GFPT1: variants seen among roughly 807,000 people sequenced by gnomAD.
GFPT1 encodes the protein glutamine--fructose-6-phosphate transaminase 1.
GFPT1 carries 40 observed loss-of-function variants against 92.0 expected under a neutral mutation model. The observed-to-expected ratio is 0.43, with a 90% confidence interval of 0.34 to 0.57. The LOEUF (loss-of-function observed/expected upper bound fraction) is 0.57. Among genes scored for constraint, GFPT1 ranks in the 20% least tolerant of loss-of-function variants. The pLI, the probability that GFPT1 is intolerant of heterozygous loss-of-function variation, is 0.02. For missense variants in GFPT1, 448 were observed against 869.1 expected (o/e 0.52, Z 6.09); for synonymous variants, 269 against 280.6 (o/e 0.96, Z 0.41).
chr2:69,385,304 C>A (rs897995981), intron 1 of GFPT1, among the ~76,000 whole-genome samples: 1 of 152,128 alleles, frequency 6.6e-6, no homozygotes, highest in Non-Finnish European at 1.5e-5. Context: ...CGGCTCACTG[C>A]AACCTCCACC....
intron 11 of GFPT1, among the ~76,000 whole-genome samples, chr2:69,347,573 G>C (rs573386196): frequency 2.2e-4 from 34 of 151,618 alleles, no homozygotes; most frequent in African/African-American, 8.0e-4. Context: ...TGCCTCCCGG[G>C]TTCAAGCCAT....
At position 69,329,442 on chromosome 2, in the gene GFPT1, C is replaced by CA; in HGVS notation, c.1598-19dup. ...AATCAAATCTAAGAAGTAATATTAG[C>CA]AAAAAAGGACAATAAACCAAACAAA... On this transcript the variant is annotated intron_variant, in intron 16 of 19. Transcript: ENST00000357308. 2 of 1,568,106 alleles carry CA rather than the reference C, an allele frequency of 1.3e-6. No homozygotes were observed. Among genetic ancestry groups the CA allele is most frequent in the Non-Finnish European group, 1.8e-6 (2 of 1,140,898 alleles).
intron 1 of GFPT1, among the ~76,000 whole-genome samples, chr2:69,377,026 C>T (rs777583863): frequency 2.9e-4 from 44 of 151,050 alleles, no homozygotes; most frequent in Non-Finnish European, 5.5e-4. Flanking sequence ...CTGGGCAACA[C>T]GCTGAAACTC....
chr2:69,376,948 G>A lies in GFPT1; in HGVS notation c.8-2835C>T, dbSNP rs372459148. Among the ~76,000 whole-genome samples, 3 of 151,972 alleles carry A rather than the reference G, an allele frequency of 2.0e-5. No individual in the cohort carries two copies. In the East Asian group the frequency reaches 5.8e-4, roughly 29 times the overall value. ...AATGCGGCAGGGCTGGGTGGCTCAC[G>A]CCTGTAATCCCAGCAACTTGGAGGC... On this transcript the variant is annotated intron_variant, in intron 1 of 19. Transcript: ENST00000357308.
intron 7 of GFPT1, among the ~76,000 whole-genome samples, chr2:69,355,365 A>G (rs2104649739): frequency 6.6e-6 from 1 of 151,986 alleles, no homozygotes; most frequent in African/African-American, 2.4e-5. Context: ...GGCATGAGTC[A>G]CCACGCCCAG....
rs370310082 is a variant in GFPT1, at chr2:69,386,027, T to TAA, written c.7+1036_7+1037dup. Among the ~76,000 whole-genome samples the TAA allele has an allele frequency of 7.8e-3, 1,094 of 140,322 alleles. 7 individuals carry two copies. The highest frequency in any genetic ancestry group is 0.015 in the South Asian group (67 of 4,356). The allele number at this position is 140,322 out of a possible 152,430, so 92.1% of individuals were successfully genotyped here. A position where few individuals can be genotyped will look rare whatever the true frequency, so the allele number is the denominator to read the frequency against. On this transcript the variant is annotated intron_variant, in intron 1 of 19. Transcript: ENST00000357308. ...ATTCTCTTACAATGGTACTTCCCTT[T>TAA]AAAAAAAAAAAAAAAAAGTGTACTT...
intron 1 of GFPT1, among the ~76,000 whole-genome samples, chr2:69,375,298 A>G (rs982140419): frequency 2.6e-5 from 4 of 152,224 alleles, no homozygotes; most frequent in African/African-American, 9.6e-5. Flanking sequence ...ATTCTGATTC[A>G]TAAGAAGTTT....
At chr2:69,331,019 A>G (rs1430482404) in intron 15 of GFPT1, among the ~76,000 whole-genome samples, 1 of 152,356 alleles carries the variant, frequency 6.6e-6, no homozygotes, top group East Asian at 1.9e-4. Flanking sequence ...GAACTAAAAG[A>G]CAATTAGTTT....
At chr2:69,340,140 CTTTT>C (rs139786418) in intron 13 of GFPT1, among the ~76,000 whole-genome samples, 51,217 of 98,106 alleles carry the variant, frequency 0.52, 10,232 homozygotes, top group African/African-American at 0.63. Flanking sequence ...GTTGGGGCAA[CTTTT>C]TTTTTTTTTT....
At chr2:69,327,122 G>A (rs1301219450) in intron 18 of GFPT1, 47 bp from the exon 19 acceptor site, 7 of 1,581,350 alleles carry the variant, frequency 4.4e-6, no homozygotes, top group South Asian at 1.1e-5. Context: ...GGTGGGCAAA[G>A]GCAGGGCTAT....
chr2:69,384,862 C>G (rs544393612), intron 1 of GFPT1, among the ~76,000 whole-genome samples: 3 of 152,122 alleles, frequency 2.0e-5, no homozygotes, highest in South Asian at 4.1e-4. Context: ...AAGTAAGCTT[C>G]CAGATTTTCC....
At chr2:69,362,658 G>A (rs991354609) in intron 4 of GFPT1, among the ~76,000 whole-genome samples, 2 of 151,818 alleles carry the variant, frequency 1.3e-5, no homozygotes, top group Admixed American at 6.6e-5. Context: ...TTACCCGGGT[G>A]TAGTGGCACA....
chr2:69,374,232 G>A (rs907194402), intron 1 of GFPT1, 119 bp from the exon 2 acceptor site: 15 of 566,952 alleles, frequency 2.6e-5, no homozygotes, highest in African/African-American at 1.1e-4. Flanking sequence ...ATTTCAAACC[G>A]TTTAAAGGCA....
chr2:69,329,004 T>C (rs905925067), intron 17 of GFPT1, among the ~76,000 whole-genome samples: 5 of 152,174 alleles, frequency 3.3e-5, no homozygotes, highest in East Asian at 3.8e-4. Context: ...TGTGCCCAGC[T>C]TGACCTCAAT....
intron 4 of GFPT1, among the ~76,000 whole-genome samples, chr2:69,361,383 G>GGTTGCA (rs958886623): frequency 6.7e-6 from 1 of 148,646 alleles, no homozygotes; most frequent in African/African-American, 2.5e-5. Context: ...AGGAGGCAGA[G>GGTTGCA]GTTGCAGTGA....
Position 69,386,047 on chromosome 2 carries a change from G to A in GFPT1, c.7+1018C>T, listed in dbSNP as rs909361943. Among the ~76,000 whole-genome samples, 3 of 146,012 alleles carry A rather than the reference G, an allele frequency of 2.1e-5. No homozygotes were observed. The East Asian group carries it at 6.0e-4, about 29-fold the overall frequency. On this transcript the variant is annotated intron_variant, in intron 1 of 19. Coordinates refer to ENST00000357308, the MANE Select transcript of GFPT1 (RefSeq NM_001244710.2). ...CCCTTTAAAAAAAAAAAAAAAAAGT[G>A]TACTTTCTTCCAGGGATAAAGTCGG...
At chr2:69,334,735 C>G (rs1475967440) in intron 15 of GFPT1, 1 of 152,172 alleles carries the variant, frequency 6.6e-6, no homozygotes, top group Non-Finnish European at 1.5e-5. Flanking sequence ...GCTAGACACA[C>G]AAGACGTGTT....
chr2:69,383,478 CA>C (rs1672057617), intron 1 of GFPT1, among the ~76,000 whole-genome samples: 1 of 152,198 alleles, frequency 6.6e-6, no homozygotes, highest in African/African-American at 2.4e-5. Context: ...CAGCATCCCT[CA>C]ATTATCTCCA....
At chr2:69,363,143 T>C (rs1403779841) in intron 4 of GFPT1, among the ~76,000 whole-genome samples, 2 of 152,126 alleles carry the variant, frequency 1.3e-5, no homozygotes, top group Admixed American at 1.3e-4. Context: ...GTTGTCCAGG[T>C]TGGAGGGCAA....
Sources: allele counts gnomAD v4.1 joint callset (sites outside exome capture counted in the v4.1 genomes callset), GRCh38; gene constraint gnomAD v4.1.1; transcripts MANE v1.5; gene names NCBI Gene and HGNC (gene_info 2026-07-23, HGNC 2026-07-21).